MAN1C1: variants seen among roughly 807,000 people sequenced by gnomAD.
MAN1C1 encodes mannosyl-oligosaccharide 1,2-alpha-mannosidase IC.
MAN1C1 carries 49 observed loss-of-function variants against 71.5 expected under a neutral mutation model. That is an observed-to-expected ratio of 0.69 (90% confidence interval 0.54 to 0.87). The LOEUF (loss-of-function observed/expected upper bound fraction) is 0.87. Among genes scored for constraint, MAN1C1 ranks in the 40% least tolerant of loss-of-function variants. The probability of loss-of-function intolerance (pLI) is 0.00; values close to 1 mark genes in which losing one functional copy is unlikely to be tolerated. For missense variants in MAN1C1, 743 were observed against 835.0 expected (o/e 0.89, Z 1.36); for synonymous variants, 352 against 343.7 (o/e 1.02, Z -0.27).
chr1:25,699,974 CAAT>C (rs1271715885), intron 2 of MAN1C1, among the ~76,000 whole-genome samples: 1 of 152,068 alleles, frequency 6.6e-6, no homozygotes, highest in Non-Finnish European at 1.5e-5. Context: ...ATGCAGGGAT[CAAT>C]AGGAATTGTT....
intron 2 of MAN1C1, 29 bp downstream of exon 2, chr1:25,686,565 G>A (rs767892916): frequency 1.1e-5 from 18 of 1,596,434 alleles, no homozygotes; most frequent in Non-Finnish European, 1.5e-5. Flanking sequence ...CTTTGATATT[G>A]GGAGGGACCC....
chr1:25,777,021 G>A (rs2047627627), intron 8 of MAN1C1, among the ~76,000 whole-genome samples: 1 of 152,202 alleles, frequency 6.6e-6, no homozygotes. Context: ...ATTTGAACCT[G>A]ATGAGTCTGT....
At chr1:25,774,535 A>G (rs2047594437) in intron 8 of MAN1C1, among the ~76,000 whole-genome samples, 1 of 152,190 alleles carries the variant, frequency 6.6e-6, no homozygotes, top group African/African-American at 2.4e-5. Context: ...GCGAGTGCTC[A>G]GATGGGGCTC....
chr1:25,664,749 T>C (rs927239021), intron 1 of MAN1C1, among the ~76,000 whole-genome samples: 5 of 152,204 alleles, frequency 3.3e-5, no homozygotes, highest in Admixed American at 1.3e-4. Context: ...TTGCAAAGCA[T>C]TGTTCGATTA....
intron 2 of MAN1C1, among the ~76,000 whole-genome samples, chr1:25,706,401 T>G (rs1315955113): frequency 2.0e-5 from 3 of 152,100 alleles, no homozygotes; most frequent in Non-Finnish European, 4.4e-5. Flanking sequence ...GACGGGAACA[T>G]GTGGCCACTG....
chr1:25,743,560 G>C (rs894476775), intron 2 of MAN1C1, among the ~76,000 whole-genome samples: 31 of 152,242 alleles, frequency 2.0e-4, no homozygotes, highest in African/African-American at 7.2e-4. Context: ...CCATGTGCCA[G>C]GTGGGAATGG....
intron 2 of MAN1C1, among the ~76,000 whole-genome samples, chr1:25,740,395 G>A (rs779992439): frequency 9.2e-5 from 14 of 152,112 alleles, no homozygotes; most frequent in Non-Finnish European, 2.1e-4. Context: ...TCGAGCAGAG[G>A]AGTGGCATGA....
intron 2 of MAN1C1, among the ~76,000 whole-genome samples, chr1:25,737,740 T>C (rs909888613): frequency 4.6e-5 from 7 of 152,062 alleles, no homozygotes; most frequent in African/African-American, 7.2e-5. Context: ...CAGTTCTGCT[T>C]GGTGGCTCAG....
chr1:25,783,924 C>A lies in MAN1C1; in HGVS notation c.*135C>A, dbSNP rs1188716656. 8.3e-6 allele frequency: 10 copies of A among 1,198,074 alleles called. No individual in the cohort carries two copies. In the East Asian group the frequency reaches 2.6e-4, roughly 31 times the overall value. 74.2% of individuals were successfully genotyped at this position (1,198,074 alleles called of 1,614,324 possible). On this transcript the variant is annotated 3_prime_UTR_variant, in exon 12 of 12. Transcript: ENST00000374332. ...CCCAGCAGATGTGTCGGACAAGCAA[C>A]TTCTTTTCCTCTGTGAGGAGACAAG...
At chr1:25,685,799 C>A (rs188541096) in intron 1 of MAN1C1, among the ~76,000 whole-genome samples, 82 of 152,244 alleles carry the variant, frequency 5.4e-4, no homozygotes, top group African/African-American at 1.9e-3. Context: ...GATCCAGAGC[C>A]AGAGGAACAA....
Position 25,617,723 on chromosome 1 carries a change from C to G in MAN1C1, c.-75C>G. 7.0e-7 allele frequency: 1 copy of G among 1,421,280 alleles called. No homozygotes were observed. Among genetic ancestry groups the G allele is most frequent in the Non-Finnish European group, 9.3e-7 (1 of 1,076,202 alleles). 88.0% of individuals were successfully genotyped at this position (1,421,280 alleles called of 1,614,324 possible). On this transcript the variant is annotated 5_prime_UTR_variant, in exon 1 of 12. Transcript: ENST00000374332. This position sits in a 1 kb window ranked among gnomAD's most constrained non-coding sequence, Gnocchi z 5.1. ...CCCCCATCCCGGGCGGCGCTCCGGACGCCCTCCCCTCACCGCGCCCCCGCA... is the reference window on the plus strand; with the variant it reads ...CCCCCATCCCGGGCGGCGCTCCGGAGGCCCTCCCCTCACCGCGCCCCCGCA...
chr1:25,656,768 G>T lies in MAN1C1; in HGVS notation c.541-29672G>T, dbSNP rs12064112. Among the ~76,000 whole-genome samples the T allele has an allele frequency of 8.3e-3, 1,261 of 152,070 alleles. 17 individuals carry two copies. The highest frequency in any genetic ancestry group is 0.029 in the African/African-American group (1,189 of 41,472). On this transcript the variant is annotated intron_variant, in intron 1 of 11. Coordinates refer to ENST00000374332, the MANE Select transcript of MAN1C1 (RefSeq NM_020379.4). ...TAGCTGTTCAGGTTTGCTATTCAGG[G>T]AGTAGCCAAGGAGGGGAGAGAGATG... is the stretch of plus-strand genomic sequence containing the variant.
intron 1 of MAN1C1, among the ~76,000 whole-genome samples, chr1:25,683,803 C>G (rs2046189825): frequency 6.6e-6 from 1 of 152,164 alleles, no homozygotes; most frequent in Non-Finnish European, 1.5e-5. Context: ...TCCCCTGTCC[C>G]CTGCTCACCC....
At position 25,631,299 on chromosome 1, in the gene MAN1C1, C is replaced by T. The variant is rs1197506859; in HGVS notation, c.540+12962C>T. Among the ~76,000 whole-genome samples the T allele has an allele frequency of 5.3e-5, 8 of 152,122 alleles. No homozygotes were observed. Among genetic ancestry groups the T allele is most frequent in the Admixed American group, 3.9e-4 (6 of 15,260 alleles). On this transcript the variant is annotated intron_variant, in intron 1 of 11. Coordinates refer to ENST00000374332, the MANE Select transcript of MAN1C1 (RefSeq NM_020379.4). The surrounding 1 kb of genome is among the most constrained non-coding windows in gnomAD (Gnocchi z 4.2). ...TATGTTTAATAGAAGTAGTGAAAGT[C>T]GGCATCCTTGTCTTGTTCCAGTTCT...
chr1:25,679,978 TACAC>T (rs765199500), intron 1 of MAN1C1, among the ~76,000 whole-genome samples: 2 of 127,216 alleles, frequency 1.6e-5, no homozygotes, highest in Admixed American at 7.9e-5. Context: ...TATATATATA[TACAC>T]ACACACACAC....
rs1226478197 is a variant in MAN1C1, at chr1:25,634,493, T to A, written c.540+16156T>A. 6.6e-6 allele frequency among the ~76,000 whole-genome samples: 1 copy of A among 152,226 alleles called. No individual in the cohort carries two copies. On this transcript the variant is annotated intron_variant, in intron 1 of 11. Transcript: ENST00000374332. This position sits in a 1 kb window ranked among gnomAD's most constrained non-coding sequence, Gnocchi z 4.6. Reference sequence around the variant, plus strand: ...ATGGAGATTATATTGTTTTCCTCTTTAATTCAGTCAATACAGTGAATTATA... The same window carrying A: ...ATGGAGATTATATTGTTTTCCTCTTAAATTCAGTCAATACAGTGAATTATA...
chr1:25,629,646 C>T (rs546525714), intron 1 of MAN1C1, among the ~76,000 whole-genome samples: 17 of 152,200 alleles, frequency 1.1e-4, no homozygotes, highest in African/African-American at 4.1e-4. Flanking sequence ...GTCTCGAACT[C>T]CCTACCTCAG....
At chr1:25,657,930 C>A (rs2045791348) in intron 1 of MAN1C1, among the ~76,000 whole-genome samples, 1 of 152,200 alleles carries the variant, frequency 6.6e-6, no homozygotes, top group Admixed American at 6.5e-5. Context: ...AGTGGATGGA[C>A]ACACACACAG....
intron 2 of MAN1C1, among the ~76,000 whole-genome samples, chr1:25,738,558 A>G (rs1304020705): frequency 6.6e-6 from 1 of 152,216 alleles, no homozygotes; most frequent in Non-Finnish European, 1.5e-5. Flanking sequence ...GAAAGGGCAC[A>G]ACAGGGGACA....
Sources: gnomAD v4.1 joint callset for allele counts (sites outside exome capture counted in the v4.1 genomes callset) on GRCh38, gnomAD v4.1.1 for gene constraint, Gnocchi (gnomAD v3.1) non-coding constraint, MANE v1.5 for transcripts, NCBI Gene and HGNC (gene_info 2026-07-23, HGNC 2026-07-21) for gene names.